SHTN1: variants seen among roughly 807,000 people sequenced by gnomAD.
SHTN1 encodes shootin-1.
Under a neutral mutation model 83.1 loss-of-function variants are expected in SHTN1, and 42 were observed. The observed-to-expected ratio is 0.51, with a 90% CI of 0.39 to 0.65. The LOEUF (loss-of-function observed/expected upper bound fraction) is 0.65, where lower values mean the gene tolerates loss of function less well. Ranked by LOEUF, SHTN1 falls within the 30% of genes least tolerant of loss-of-function variation. The probability of loss-of-function intolerance (pLI) is 0.00; values close to 1 mark genes in which losing one functional copy is unlikely to be tolerated. For synonymous variants in SHTN1, 224 were observed against 247.7 expected, an observed-to-expected ratio of 0.90 and a Z score of 0.90; for missense variants, 622 against 737.8, an observed-to-expected ratio of 0.84 and a Z score of 1.82.
intron 7 of SHTN1, among the ~76,000 whole-genome samples, chr10:116,948,196 G>A (rs1004797351): frequency 5.9e-5 from 9 of 152,174 alleles, no homozygotes; most frequent in African/African-American, 2.2e-4. Context: ...AAACAGCCCC[G>A]ATGAGAGCTG....
chr10:117,034,255 C>T (rs1852462524), intron 2 of SHTN1, among the ~76,000 whole-genome samples: 2 of 152,280 alleles, frequency 1.3e-5, no homozygotes, highest in South Asian at 4.1e-4. Flanking sequence ...TCCTTGTTTG[C>T]AGATGCTGTA....
At chr10:116,935,139 G>A (rs9733763) in intron 9 of SHTN1, among the ~76,000 whole-genome samples, 152,244 of 152,316 alleles carry the variant, frequency 1, 76,086 homozygotes, top group Non-Finnish European at 1. Flanking sequence ...CTCTCTTCCT[G>A]TGTGAATACC....
rs1374265613 is a variant in SHTN1 at position 116,902,079 on chromosome 10, C to G, written c.1481-122G>C. The G allele has an allele frequency of 4.9e-6, 4 of 822,744 alleles. No homozygotes were observed. The East Asian group carries it at 1.2e-4, about 25-fold the overall frequency. 51.0% of individuals were successfully genotyped at this position (822,744 alleles called of 1,614,324 possible). On this transcript the variant is annotated intron_variant, in intron 15 of 16. Transcript: ENST00000355371. ...GAAAAGGCCAAGTTTGTTAAAATTTCAAGAGCATGCTGGAAAATGTTGTTG... is the reference window on the plus strand; with the variant it reads ...GAAAAGGCCAAGTTTGTTAAAATTTGAAGAGCATGCTGGAAAATGTTGTTG...
chr10:117,109,168 T>C (rs893325391), intron 1 of SHTN1, among the ~76,000 whole-genome samples: 2 of 152,168 alleles, frequency 1.3e-5, no homozygotes, highest in Non-Finnish European at 2.9e-5. Flanking sequence ...GATGCCTTGG[T>C]CCCACCCCTA....
chr10:117,062,234 A>G (rs1032821101), intron 1 of SHTN1, among the ~76,000 whole-genome samples: 1 of 152,248 alleles, frequency 6.6e-6, no homozygotes, highest in African/African-American at 2.4e-5. Flanking sequence ...TTCAGCTAGG[A>G]AGAGAATGAT....
intron 1 of SHTN1, among the ~76,000 whole-genome samples, chr10:117,084,819 C>T (rs1452157465): frequency 6.6e-6 from 1 of 152,188 alleles, no homozygotes; most frequent in Non-Finnish European, 1.5e-5. Context: ...TCCGTCACCC[C>T]TTTCTTTGAT....
At chr10:117,024,559 T>C (rs560138898) in intron 2 of SHTN1, among the ~76,000 whole-genome samples, 5 of 151,976 alleles carry the variant, frequency 3.3e-5, no homozygotes, top group Admixed American at 3.3e-4. Flanking sequence ...TTTCACTGTA[T>C]TTGTTAGCCA....
intron 1 of SHTN1, among the ~76,000 whole-genome samples, chr10:117,081,970 T>A (rs1192011212): frequency 1.4e-5 from 2 of 146,274 alleles, no homozygotes; most frequent in Admixed American, 6.9e-5. Flanking sequence ...ATTTTGTTGA[T>A]CCTTTCAAAA....
intron 6 of SHTN1, among the ~76,000 whole-genome samples, chr10:116,951,618 T>C (rs112424823): frequency 6.6e-6 from 1 of 152,206 alleles, no homozygotes; most frequent in Non-Finnish European, 1.5e-5. Flanking sequence ...CTTGAAATAG[T>C]AGCTACTATT....
intron 2 of SHTN1, among the ~76,000 whole-genome samples, chr10:117,031,169 T>C (rs909420495): frequency 4.6e-5 from 7 of 152,154 alleles, no homozygotes; most frequent in Non-Finnish European, 7.4e-5. Context: ...TAGCACTTTT[T>C]GGTGGAAACC....
chr10:116,939,011 G>T (rs1479456888), intron 9 of SHTN1, among the ~76,000 whole-genome samples: 1 of 152,146 alleles, frequency 6.6e-6, no homozygotes, highest in Non-Finnish European at 1.5e-5. Context: ...CAGACACCCT[G>T]CCCCCCACCA....
intron 3 of SHTN1, among the ~76,000 whole-genome samples, chr10:116,963,102 C>G (rs1403070003): frequency 2.1e-5 from 2 of 95,210 alleles, no homozygotes; most frequent in African/African-American, 4.2e-5. Flanking sequence ...GACGGAGTCT[C>G]GCTCTGTGGC....
At chr10:117,007,136 A>G (rs1056612699), upstream of SHTN1, among the ~76,000 whole-genome samples, 1 of 152,082 alleles carries the variant, frequency 6.6e-6, no homozygotes, top group Non-Finnish European at 1.5e-5. Context: ...GATAGCTGCC[A>G]TGAAGATCCC....
At chr10:116,894,887 T>C (rs986732050) in intron 16 of SHTN1, among the ~76,000 whole-genome samples, 2 of 152,218 alleles carry the variant, frequency 1.3e-5, no homozygotes, top group African/African-American at 2.4e-5. Context: ...CTCTTAAGCC[T>C]CTGCCTGACT....
At chr10:116,940,233 C>G (rs115474446) in intron 9 of SHTN1, among the ~76,000 whole-genome samples, 97 of 152,274 alleles carry the variant, frequency 6.4e-4, no homozygotes, top group African/African-American at 2.0e-3. Flanking sequence ...ACCCTTTGGA[C>G]AGTTTAAAGA....
At chr10:116,930,524 T>C (rs1848921328) in intron 9 of SHTN1, among the ~76,000 whole-genome samples, 1 of 152,166 alleles carries the variant, frequency 6.6e-6, no homozygotes, top group South Asian at 2.1e-4. Context: ...GATTATGGCC[T>C]CCAGTTCCAT....
intron 8 of SHTN1, among the ~76,000 whole-genome samples, chr10:116,943,220 G>A (rs1416034805): frequency 6.6e-6 from 1 of 152,154 alleles, no homozygotes; most frequent in Non-Finnish European, 1.5e-5. Context: ...CTGAAGACCA[G>A]GTGAACAGCA....
At chr10:117,063,660 A>T (rs145705784) in intron 1 of SHTN1, among the ~76,000 whole-genome samples, 177 of 152,136 alleles carry the variant, frequency 1.2e-3, no homozygotes, top group African/African-American at 4.1e-3. Context: ...ATCCTACATG[A>T]TCTTGTCCCA....
At chr10:117,062,293 T>C (rs533087956) in intron 1 of SHTN1, among the ~76,000 whole-genome samples, 5 of 152,342 alleles carry the variant, frequency 3.3e-5, no homozygotes, top group Admixed American at 2.6e-4. Flanking sequence ...AAACATTTTT[T>C]GACCATACAT....
Sources: gnomAD v4.1 joint callset for allele counts (sites outside exome capture counted in the v4.1 genomes callset) on GRCh38, gnomAD v4.1.1 for gene constraint, MANE v1.5 for transcripts, NCBI Gene and HGNC (gene_info 2026-07-23, HGNC 2026-07-21) for gene names.